The following GRAMD1B variants were observed in gnomAD, a reference collection of about 807,000 sequenced individuals.
The protein encoded by GRAMD1B is GRAM domain containing 1B.
In GRAMD1B, 37 loss-of-function variants were observed where a neutral mutation model predicts 99.7. That is an observed-to-expected ratio of 0.37 (90% confidence interval 0.29 to 0.49). The LOEUF is 0.49. Ranked by LOEUF, GRAMD1B falls within the 20% of genes least tolerant of loss-of-function variation. The pLI is 0.98. For missense variants in GRAMD1B, 888 were observed against 1,009.2 expected, an observed-to-expected ratio of 0.88 and a Z score of 1.63; for synonymous variants, 427 against 387.6, an observed-to-expected ratio of 1.10 and a Z score of -1.19.
At chr11:123,462,745 G>A (rs1950483627) in intron 1 of GRAMD1B, among the ~76,000 whole-genome samples, 1 of 151,846 alleles carries the variant, frequency 6.6e-6, no homozygotes, top group Non-Finnish European at 1.5e-5. Flanking sequence ...CAAACACTGC[G>A]GAAGGCCGCA....
At chr11:123,478,476 C>CA (rs912648356) in intron 1 of GRAMD1B, among the ~76,000 whole-genome samples, 2 of 152,178 alleles carry the variant, frequency 1.3e-5, no homozygotes, top group Non-Finnish European at 2.9e-5. Context: ...TTTTCTAAGC[C>CA]ATGGGAAGGC....
chr11:123,365,263 T>C (rs867516158), intron 1 of GRAMD1B, among the ~76,000 whole-genome samples: 33 of 151,772 alleles, frequency 2.2e-4, no homozygotes, highest in Admixed American at 1.4e-3. Context: ...TTTTCTTCTT[T>C]TTTTTTTTAA....
At chr11:123,559,704 C>T (rs1946505624) in intron 2 of GRAMD1B, 2 of 984,656 alleles carry the variant, frequency 2.0e-6, no homozygotes, top group Admixed American at 1.2e-4. Context: ...AAGTGCTTTC[C>T]CTGAGTGTTA....
chr11:123,447,538 C>G (rs1949697197), intron 1 of GRAMD1B, among the ~76,000 whole-genome samples: 1 of 152,154 alleles, frequency 6.6e-6, no homozygotes, highest in South Asian at 2.1e-4. Context: ...GCCCCAGCAC[C>G]AGTCCTAGAG....
chr11:123,564,030 G>A (rs774647399), intron 2 of GRAMD1B, among the ~76,000 whole-genome samples: 5 of 152,186 alleles, frequency 3.3e-5, no homozygotes, highest in Non-Finnish European at 5.9e-5. Context: ...GAATCCCAGC[G>A]GTCAGGCAGC....
At chr11:123,462,373 C>G (rs1950468442) in intron 1 of GRAMD1B, among the ~76,000 whole-genome samples, 1 of 152,068 alleles carries the variant, frequency 6.6e-6, no homozygotes. Context: ...CTCGTTACTT[C>G]TTGTTTCAAG....
intron 1 of GRAMD1B, among the ~76,000 whole-genome samples, chr11:123,470,607 G>A (rs1016711855): frequency 6.7e-6 from 1 of 149,386 alleles, no homozygotes; most frequent in African/African-American, 2.5e-5. Context: ...TCCACCTTTC[G>A]GATTCAAGCA....
At chr11:123,482,551 A>G (rs945914926) in intron 2 of GRAMD1B, among the ~76,000 whole-genome samples, 4 of 152,256 alleles carry the variant, frequency 2.6e-5, no homozygotes, top group African/African-American at 9.6e-5. Context: ...GCCAAATATG[A>G]AACAATAATA....
At position 123,577,354 on chromosome 11, in the gene GRAMD1B, T is replaced by A. The variant is rs1329364361; in HGVS notation, c.453-13T>A. The stretch of plus-strand genomic sequence containing the variant: ...CTTTCCACCCCGCTCCCTCTCTCCA[T>A]CTGCCGCTGCAGCACTGCCAGTAAC... On this transcript the variant is annotated splice_polypyrimidine_tract_variant and intron_variant, in intron 2 of 19. Transcript: ENST00000635736. 6.4e-7 allele frequency: 1 copy of A among 1,566,896 alleles called. No individual in the cohort carries two copies. The highest frequency in any genetic ancestry group is 8.7e-7 in the Non-Finnish European group (1 of 1,155,880).
intron 1 of GRAMD1B, among the ~76,000 whole-genome samples, chr11:123,401,406 G>T (rs6590001): frequency 0.43 from 64,658 of 151,918 alleles, 13,924 homozygotes; most frequent in African/African-American, 0.51. Context: ...CACTCAGTAG[G>T]CAGGCATGGG....
intron 1 of GRAMD1B, among the ~76,000 whole-genome samples, chr11:123,359,581 A>G (rs1317462742): frequency 8.5e-5 from 13 of 152,094 alleles, no homozygotes; most frequent in Non-Finnish European, 1.8e-4. Flanking sequence ...GCGCCAAGGT[A>G]ACATGAACAA....
rs554778531 is a variant in GRAMD1B, at chr11:123,512,475, C to T, written c.452+31582C>T. On this transcript the variant is annotated intron_variant, in intron 2 of 19. Transcript: ENST00000635736. ...CTGATTTTACTTAGGCCCTTGCTGT[C>T]CCTTAGTCCAGATTGCACATGATCT... 8.2e-4 allele frequency among the ~76,000 whole-genome samples: 125 copies of T among 152,256 alleles called. 1 individual carries two copies. Among genetic ancestry groups the T allele is most frequent in the African/African-American group, 3.0e-3 (123 of 41,550 alleles).
intron 11 of GRAMD1B, among the ~76,000 whole-genome samples, chr11:123,607,026 A>T (rs569771543): frequency 2.3e-4 from 35 of 152,250 alleles, no homozygotes; most frequent in African/African-American, 8.4e-4. Context: ...CTTGTCACTA[A>T]ATGTTCCCCC....
chr11:123,427,139 G>T (rs966529770), upstream of GRAMD1B, among the ~76,000 whole-genome samples: 1 of 152,186 alleles, frequency 6.6e-6, no homozygotes, highest in Non-Finnish European at 1.5e-5. Context: ...AGAAATATGG[G>T]AGTGGGGAGA....
At chr11:123,454,892 A>G (rs1381390056) in intron 1 of GRAMD1B, 2 of 152,214 alleles carry the variant, frequency 1.3e-5, no homozygotes, top group Non-Finnish European at 2.9e-5. Flanking sequence ...CTGGTTTTAC[A>G]TGTCCCCTAA....
chr11:123,583,360 T>C (rs1373910250), intron 3 of GRAMD1B, among the ~76,000 whole-genome samples: 7 of 150,514 alleles, frequency 4.7e-5, no homozygotes, highest in African/African-American at 1.2e-4. Flanking sequence ...TGCATGTGTG[T>C]ATGTGTGTGT....
intron 2 of GRAMD1B, among the ~76,000 whole-genome samples, chr11:123,539,047 G>A (rs1944248534): frequency 6.6e-6 from 1 of 152,044 alleles, no homozygotes; most frequent in Admixed American, 6.6e-5. Flanking sequence ...TACTTTCTCT[G>A]GCTGTATAAT....
At chr11:123,544,293 G>T (rs987406407) in intron 2 of GRAMD1B, among the ~76,000 whole-genome samples, 1 of 152,140 alleles carries the variant, frequency 6.6e-6, no homozygotes, top group Non-Finnish European at 1.5e-5. Flanking sequence ...AAGAAGTTAG[G>T]AAAGGTACCC....
chr11:123,520,950 C>A (rs935205371), intron 2 of GRAMD1B, among the ~76,000 whole-genome samples: 1 of 152,110 alleles, frequency 6.6e-6, no homozygotes, highest in African/African-American at 2.4e-5. Flanking sequence ...TACTGTTCCA[C>A]CTTAAGAAAA....
Sources: gnomAD v4.1 joint callset for allele counts (sites outside exome capture counted in the v4.1 genomes callset) on GRCh38, gnomAD v4.1.1 for gene constraint, MANE v1.5 for transcripts, NCBI Gene and HGNC (gene_info 2026-07-23, HGNC 2026-07-21) for gene names.